RELN: variants seen among roughly 807,000 people sequenced by gnomAD.
RELN encodes the protein reelin.
RELN carries 108 observed loss-of-function variants against 427.6 expected under a neutral mutation model. The ratio of observed to expected loss-of-function variants is 0.25; its 90% CI spans 0.22 to 0.30. The LOEUF (loss-of-function observed/expected upper bound fraction) is 0.30, where lower values mean the gene tolerates loss of function less well. RELN is among the 10% of genes least tolerant of loss of function. The pLI, the probability that RELN is intolerant of heterozygous loss-of-function variation, is 1.00. For missense variants in RELN, 3,715 were observed against 4,302.8 expected (o/e 0.86, Z 3.82); for synonymous variants, 1,524 against 1,513.4 (o/e 1.01, Z -0.16).
In RELN at chr7:103,594,313, G is replaced by A. The variant is rs1831488019; in HGVS notation, c.3711+8C>T. ...CTGTCTTCTTGGAGTTCAGACATAG[G>A]AGAATACCTGAGGTAAAGTTGGATT... On this transcript the variant is annotated splice_region_variant and intron_variant, in intron 26 of 64. Transcript: ENST00000428762. The A allele has an allele frequency of 1.2e-6, 2 of 1,611,442 alleles. No homozygotes were observed. Among genetic ancestry groups the A allele is most frequent in the Non-Finnish European group, 1.7e-6 (2 of 1,177,716 alleles).
At chr7:103,745,912 A>T (rs1790811624) in intron 6 of RELN, among the ~76,000 whole-genome samples, 1 of 152,318 alleles carries the variant, frequency 6.6e-6, no homozygotes, top group South Asian at 2.1e-4. Flanking sequence ...ACTGGAAAAC[A>T]CTACTTTAAA....
chr7:103,497,865 T>C lies in RELN; in HGVS notation c.8905A>G (p.Ile2969Val). Residue 2969 changes from isoleucine (I) to valine (V), a missense_variant, in exon 55 of 65, where the codon ATC becomes GTC. Transcript: ENST00000428762. ...AACAGCACGCCTTCCTTCCGGCAGA[T>C]GGGACGATGGCAAGAGGTCATGTTG... ...ENNMTSCHRP[I>V]CRKEGVLLDY... The C allele has an allele frequency of 1.2e-6, 2 of 1,614,136 alleles. No individual in the cohort carries two copies. The highest frequency in any genetic ancestry group is 3.3e-4 in the Middle Eastern group (2 of 6,062).
At chr7:103,668,943 G>C (rs557069316) in intron 11 of RELN, among the ~76,000 whole-genome samples, 1 of 152,094 alleles carries the variant, frequency 6.6e-6, no homozygotes, top group Non-Finnish European at 1.5e-5. Flanking sequence ...AATTTTCATG[G>C]ACTAAAAGAA....
At chr7:103,653,929 T>G (rs1317324241) in intron 13 of RELN, among the ~76,000 whole-genome samples, 164 bp downstream of exon 13, 4 of 152,010 alleles carry the variant, frequency 2.6e-5, no homozygotes, top group Non-Finnish European at 4.4e-5. Context: ...GGAAAAAATA[T>G]GAAGGTTAAA....
rs367840492 is a variant in RELN at position 103,650,264 on chromosome 7, A to G, written c.2002+10T>C. 2.3e-5 allele frequency: 34 copies of G among 1,509,966 alleles called. No individual in the cohort carries two copies. The highest frequency in any genetic ancestry group is 1.7e-4 in the Middle Eastern group (1 of 5,838). 93.5% of individuals were successfully genotyped at this position (1,509,966 alleles called of 1,614,324 possible). On this transcript the variant is annotated intron_variant, in intron 16 of 64. Coordinates refer to ENST00000428762, the MANE Select transcript of RELN (RefSeq NM_005045.4). ...AATGGCATGTGATTATGACAGGCATAAACACTAACCATTATCAATTGCCCA... is the reference window on the plus strand; with the variant it reads ...AATGGCATGTGATTATGACAGGCATGAACACTAACCATTATCAATTGCCCA...
intron 1 of RELN, among the ~76,000 whole-genome samples, chr7:103,934,181 T>C (rs901355041): frequency 2.6e-5 from 4 of 152,168 alleles, no homozygotes; most frequent in African/African-American, 9.7e-5. Flanking sequence ...CAGAGTACTG[T>C]CTTGTATTAA....
At chr7:103,575,824 G>A in intron 28 of RELN, 119 bp from the exon 29 acceptor site, 1 of 1,095,824 alleles carries the variant, frequency 9.1e-7, no homozygotes, top group South Asian at 1.3e-5. Flanking sequence ...AGTCATGTCT[G>A]CTTGACTGCA....
intron 50 of RELN, among the ~76,000 whole-genome samples, chr7:103,511,699 T>TA (rs35879785): frequency 0.25 from 36,890 of 150,022 alleles, 4,864 homozygotes; most frequent in East Asian, 0.41. Flanking sequence ...TCCTGACTGT[T>TA]AAAAAAAAAA....
At chr7:103,647,355 G>A (rs982511144) in intron 16 of RELN, among the ~76,000 whole-genome samples, 1 of 151,944 alleles carries the variant, frequency 6.6e-6, no homozygotes, top group Non-Finnish European at 1.5e-5. Flanking sequence ...AATGACTTCA[G>A]TAAAGATTCA....
At chr7:103,730,721 T>C (rs879706776) in intron 6 of RELN, among the ~76,000 whole-genome samples, 8 of 152,158 alleles carry the variant, frequency 5.3e-5, no homozygotes, top group Admixed American at 1.3e-4. Context: ...CACCAAGGAC[T>C]GATGGGACAA....
At chr7:103,971,897 A>ACC (rs1796771386) in intron 1 of RELN, among the ~76,000 whole-genome samples, 1 of 148,390 alleles carries the variant, frequency 6.7e-6, no homozygotes, top group Non-Finnish European at 1.5e-5. Context: ...ACATGGTGAA[A>ACC]CCCCCGTCTC....
intron 31 of RELN, 88 bp downstream of exon 31, chr7:103,572,096 G>A: frequency 1.3e-6 from 1 of 788,198 alleles, no homozygotes. Context: ...TAATGTATCA[G>A]TTTTCAAAAT....
chr7:103,602,880 T>A (rs749809678), intron 24 of RELN, among the ~76,000 whole-genome samples: 7 of 152,022 alleles, frequency 4.6e-5, no homozygotes, highest in African/African-American at 9.7e-5. Flanking sequence ...AAACAGGCAA[T>A]CTGGCTCCAG....
At chr7:103,684,505 T>C (rs1281971131) in intron 10 of RELN, among the ~76,000 whole-genome samples, 1 of 152,108 alleles carries the variant, frequency 6.6e-6, no homozygotes, top group Non-Finnish European at 1.5e-5. Flanking sequence ...AGCACCTACA[T>C]GAAGTGAATA....
In RELN at chr7:103,916,620, T is replaced by C. The variant is rs117656224; in HGVS notation, c.337+455A>G. Among the ~76,000 whole-genome samples, 427 of 152,324 alleles carry C rather than the reference T, an allele frequency of 2.8e-3. 4 individuals carry two copies. In the East Asian group the frequency reaches 0.029, roughly 10 times the overall value. On this transcript the variant is annotated intron_variant, in intron 2 of 64. Coordinates refer to ENST00000428762, the MANE Select transcript of RELN (RefSeq NM_005045.4). ...AATAGGATTCTTCTAAGAATACTCA[T>C]AGAACTCAATAATTTTATCAAATAT...
chr7:103,773,466 T>TCCCTCCCTCCCTCC (rs1308853541), intron 4 of RELN, among the ~76,000 whole-genome samples: 1 of 146,322 alleles, frequency 6.8e-6, no homozygotes. Context: ...TCCCTCTCTC[T>TCCCTCCCTCCCTCC]CTCTCTCTCT....
intron 6 of RELN, among the ~76,000 whole-genome samples, chr7:103,731,984 T>C (rs900224257): frequency 2.0e-5 from 3 of 152,150 alleles, no homozygotes; most frequent in Admixed American, 6.6e-5. Flanking sequence ...CACATCTCAA[T>C]TCAGACTAGC....
chr7:103,794,575 T>G (rs3915120), intron 3 of RELN, among the ~76,000 whole-genome samples: 33,981 of 152,068 alleles, frequency 0.22, 4,125 homozygotes, highest in Middle Eastern at 0.31. Flanking sequence ...AGAATAATTT[T>G]TCACTGAAGT....
intron 10 of RELN, among the ~76,000 whole-genome samples, chr7:103,696,058 A>G (rs1338787115): frequency 2.0e-5 from 3 of 152,080 alleles, no homozygotes; most frequent in African/African-American, 7.2e-5. Context: ...TCACCAAATA[A>G]TTTGTAATAG....
Sources: gnomAD v4.1 joint callset for allele counts (sites outside exome capture counted in the v4.1 genomes callset) on GRCh38, gnomAD v4.1.1 for gene constraint, MANE v1.5 for transcripts, NCBI Gene and HGNC (gene_info 2026-07-23, HGNC 2026-07-21) for gene names.